The following FGF14 variants were observed in gnomAD, a reference collection of about 807,000 sequenced individuals.
The protein encoded by FGF14 is fibroblast growth factor 14, also known as fibroblast growth factor homologous factor 4.
FGF14 carries 5 observed loss-of-function variants against 25.5 expected under a neutral mutation model. The ratio of observed to expected loss-of-function variants is 0.20; its 90% CI spans 0.10 to 0.41. The LOEUF is 0.41. Ranked by LOEUF, FGF14 falls within the 10% of genes least tolerant of loss-of-function variation. FGF14 has a pLI of 1.00. For missense variants in FGF14, 222 were observed against 320.1 expected (o/e 0.69, Z 2.34); for synonymous variants, 138 against 118.3 (o/e 1.17, Z -1.08).
chr13:101,849,932 G>A (rs1055369533), intron 3 of FGF14, among the ~76,000 whole-genome samples: 8 of 152,090 alleles, frequency 5.3e-5, no homozygotes, highest in Non-Finnish European at 7.4e-5. Context: ...TACCACCAAA[G>A]CTCTGAGATC....
At chr13:101,773,613 C>T (rs943152011) in intron 3 of FGF14, among the ~76,000 whole-genome samples, 1 of 151,840 alleles carries the variant, frequency 6.6e-6, no homozygotes, top group African/African-American at 2.4e-5. Flanking sequence ...GTTAACCACA[C>T]ATGCACAGAC....
chr13:101,880,880 T>C (rs1028001708), intron 1 of FGF14, among the ~76,000 whole-genome samples: 6 of 152,226 alleles, frequency 3.9e-5, no homozygotes, highest in Admixed American at 3.9e-4. Context: ...AAATGGTTTT[T>C]GAGGCAAAAT....
At position 101,845,341 on chromosome 13, in the gene FGF14, C is replaced by G. The variant is rs77618717; in HGVS notation, c.408+23384G>C. 8.4e-3 allele frequency among the ~76,000 whole-genome samples: 1,277 copies of G among 152,062 alleles called. 20 individuals carry two copies. The highest frequency in any genetic ancestry group is 0.03 in the African/African-American group (1,226 of 41,520). On this transcript the variant is annotated intron_variant, in intron 3 of 4. Transcript: ENST00000376143. ...CAAAACAACAAAAAACAGTTCTGATCTGATATGAAAACTCGGGGAGCAATT... is the reference window on the plus strand; with the variant it reads ...CAAAACAACAAAAAACAGTTCTGATGTGATATGAAAACTCGGGGAGCAATT...
intron 1 of FGF14, among the ~76,000 whole-genome samples, chr13:102,362,866 A>C (rs1039040852): frequency 6.6e-6 from 1 of 152,220 alleles, no homozygotes; most frequent in African/African-American, 2.4e-5. Context: ...AAATCAGATT[A>C]AAATAATAAC....
intron 3 of FGF14, among the ~76,000 whole-genome samples, chr13:101,765,682 CAT>C (rs1476105453): frequency 1.3e-5 from 2 of 151,510 alleles, no homozygotes; most frequent in Admixed American, 1.3e-4. Context: ...ATCCTCTGTG[CAT>C]ATAGAAGCCT....
chr13:102,067,434 A>T (rs1056902708), intron 1 of FGF14, among the ~76,000 whole-genome samples: 1 of 151,958 alleles, frequency 6.6e-6, no homozygotes, highest in African/African-American at 2.4e-5. Flanking sequence ...TTTGCTCAAT[A>T]AAAATATATT....
chr13:101,849,628 T>C (rs1440373474), intron 3 of FGF14, among the ~76,000 whole-genome samples: 2 of 152,034 alleles, frequency 1.3e-5, no homozygotes, highest in Non-Finnish European at 2.9e-5. Flanking sequence ...TGAGGAAACA[T>C]GATTATTAAA....
Position 101,716,488 on chromosome 13 carries a change from T to C in FGF14, c.*6343A>G, listed in dbSNP as rs1440309961. On this transcript the variant is annotated 3_prime_UTR_variant, in exon 5 of 5. Coordinates refer to ENST00000376143, the MANE Select transcript of FGF14 (RefSeq NM_004115.4). ...ATATCTACTGATAATTAAAAATGAA[T>C]TGTTATTCAGGGATATCTATTTTAG... 2 of 152,170 alleles carry C rather than the reference T, an allele frequency of 1.3e-5. No individual in the cohort carries two copies. Among genetic ancestry groups the C allele is most frequent in the Non-Finnish European group, 2.9e-5 (2 of 68,032 alleles). The allele number at this position is 152,170 out of a possible 1,614,324, so 9.4% of individuals were successfully genotyped here. A position where few individuals can be genotyped will look rare whatever the true frequency, so the allele number is the denominator to read the frequency against.
intron 1 of FGF14, among the ~76,000 whole-genome samples, chr13:102,237,613 TG>T (rs2051393032): frequency 6.7e-6 from 1 of 148,958 alleles, no homozygotes; most frequent in Admixed American, 6.7e-5. Context: ...ATTACAAACC[TG>T]GTTCAAATCA....
intron 3 of FGF14, among the ~76,000 whole-genome samples, chr13:101,852,386 C>T (rs986420330): frequency 6.6e-6 from 1 of 152,068 alleles, no homozygotes; most frequent in Non-Finnish European, 1.5e-5. Flanking sequence ...ACCTTCTATA[C>T]TGAAGAATAT....
chr13:102,049,249 CCT>C (rs1414060540), intron 1 of FGF14, among the ~76,000 whole-genome samples: 1 of 152,014 alleles, frequency 6.6e-6, no homozygotes, highest in Non-Finnish European at 1.5e-5. Flanking sequence ...AATTAAATGT[CCT>C]TTCTTTTACC....
Position 101,870,910 on chromosome 13 carries a change from G to A in FGF14, c.305-2082C>T, listed in dbSNP as rs532524523. 3.3e-5 allele frequency among the ~76,000 whole-genome samples: 5 copies of A among 152,082 alleles called. No homozygotes were observed. In the East Asian group the frequency reaches 5.8e-4, roughly 18 times the overall value. On this transcript the variant is annotated intron_variant, in intron 2 of 4. Coordinates refer to ENST00000376143, the MANE Select transcript of FGF14 (RefSeq NM_004115.4). The stretch of plus-strand genomic sequence containing the variant: ...GAAGGTTGCAGTGAGCCTAGATCAC[G>A]CCACTGCACTTTAGCCTGGGCAATG...
Position 101,801,860 on chromosome 13 carries a change from C to G in FGF14, c.408+66865G>C, listed in dbSNP as rs926229871. The G allele has an allele frequency of 1.3e-5, 4 of 307,836 alleles. 1 individual carries two copies. Among genetic ancestry groups the G allele is most frequent in the Non-Finnish European group, 1.3e-5 (2 of 155,364 alleles). 19.1% of individuals were successfully genotyped at this position (307,836 alleles called of 1,614,324 possible). A position where few individuals can be genotyped will look rare whatever the true frequency, so the allele number is the denominator to read the frequency against. ...TCATGCCCTACACTGCCCAGATTAG[C>G]AAAACAGTACAGTCAGGATGGCTAA... On this transcript the variant is annotated intron_variant, in intron 3 of 4. Coordinates refer to ENST00000376143, the MANE Select transcript of FGF14 (RefSeq NM_004115.4).
chr13:101,876,339 C>T (rs978730691), intron 1 of FGF14, among the ~76,000 whole-genome samples: 1 of 152,200 alleles, frequency 6.6e-6, no homozygotes, highest in Non-Finnish European at 1.5e-5. Context: ...ATGGGCCATG[C>T]TAATGCAATC....
chr13:102,350,891 C>T (rs2057258986), intron 1 of FGF14, among the ~76,000 whole-genome samples: 1 of 152,162 alleles, frequency 6.6e-6, no homozygotes, highest in South Asian at 2.1e-4. Context: ...ACACGGCCTC[C>T]CTCTCACCAA....
At position 102,161,570 on chromosome 13, in the gene FGF14, AAAGAAAGAAG is replaced by A; in HGVS notation, c.208+239891_208+239900del. 8.5e-3 allele frequency among the ~76,000 whole-genome samples: 48 copies of A among 5,658 alleles called. 2 individuals are homozygous for A. Among genetic ancestry groups the A allele is most frequent in the African/African-American group, 0.018 (6 of 334 alleles). The allele number at this position is 5,658 out of a possible 152,430, so 3.7% of individuals were successfully genotyped here. A position where few individuals can be genotyped will look rare whatever the true frequency, so the allele number is the denominator to read the frequency against. On this transcript the variant is annotated intron_variant, in intron 1 of 4. Coordinates refer to the FGF14 transcript ENST00000376131. ...TCTATGCAACCAACTTTCTGTGAAG[AAAGAAAGAAG>A]AAGAAGAAGAAGAAGAAGAAGAAGA... is the stretch of plus-strand genomic sequence containing the variant.
intron 1 of FGF14, among the ~76,000 whole-genome samples, chr13:102,184,277 C>T (rs1192122080): frequency 6.6e-6 from 1 of 152,034 alleles, no homozygotes; most frequent in Non-Finnish European, 1.5e-5. Context: ...GAGGAGAGAA[C>T]ATCATCACAA....
chr13:101,866,057 T>C (rs1330648306), intron 3 of FGF14, among the ~76,000 whole-genome samples: 10 of 151,974 alleles, frequency 6.6e-5, no homozygotes, highest in African/African-American at 1.9e-4. Flanking sequence ...AACTTAAAGC[T>C]TAAATGTTAA....
At chr13:102,284,009 T>C (rs1429073569) in intron 1 of FGF14, among the ~76,000 whole-genome samples, 3 of 152,234 alleles carry the variant, frequency 2.0e-5, no homozygotes, top group African/African-American at 2.4e-5. Context: ...GTAGGTATTA[T>C]AACTAGATGA....
Sources: gnomAD v4.1 joint callset for allele counts (sites outside exome capture counted in the v4.1 genomes callset) on GRCh38, gnomAD v4.1.1 for gene constraint, MANE v1.5 for transcripts, NCBI Gene and HGNC (gene_info 2026-07-23, HGNC 2026-07-21) for gene names.